Variants in MYO3A observed in about 807,000 individuals in gnomAD.
MYO3A encodes myosin IIIA, also known as myosin-IIIa.
In MYO3A, 180 loss-of-function variants were observed where a neutral mutation model predicts 192.7. The ratio of observed to expected loss-of-function variants is 0.93; its 90% CI spans 0.83 to 1.06. MYO3A has a LOEUF of 1.06. Among genes scored for constraint, MYO3A ranks in the 50% least tolerant of loss-of-function variants. The pLI is 0.00. For missense variants in MYO3A, 1,896 were observed against 1,905.0 expected (o/e 1.00, Z 0.09); for synonymous variants, 628 against 645.3 (o/e 0.97, Z 0.41).
At chr10:26,063,668 G>A (rs137878650) in intron 10 of MYO3A, among the ~76,000 whole-genome samples, 2 of 152,234 alleles carry the variant, frequency 1.3e-5, no homozygotes, top group Non-Finnish European at 2.9e-5. Context: ...GTGTAGAATT[G>A]TGCTGAGGAG....
At chr10:25,940,674 C>T (rs1836431522) in intron 2 of MYO3A, among the ~76,000 whole-genome samples, 1 of 152,094 alleles carries the variant, frequency 6.6e-6, no homozygotes, top group Non-Finnish European at 1.5e-5. Flanking sequence ...TTTTGCCTTT[C>T]ATCTTGAAAG....
chr10:26,014,343 T>C (rs1841856125), intron 6 of MYO3A, among the ~76,000 whole-genome samples: 1 of 152,116 alleles, frequency 6.6e-6, no homozygotes, highest in African/African-American at 2.4e-5. Flanking sequence ...CTTAGGCCTT[T>C]TAAAAATGTC....
Position 26,096,603 on chromosome 10 carries a change from A to C in MYO3A, c.1697A>C (p.Asp566Ala). The change falls in exon 17 of 35, where the codon GAC (aspartate) becomes GCC (alanine). Residue 566 changes from aspartate (D) to alanine (A), a missense_variant. Asp to Ala is a moderately radical substitution (Grantham distance 126). Transcript: ENST00000642920. ...LQNDHLRTVQ[D>A]IMNNSFYKSQ... The stretch of plus-strand genomic sequence containing the variant: ...AATGACCACCTCAGAACAGTACAAG[A>C]CATCATGAATAATAGTTTCTATAAA... The C allele has an allele frequency of 6.2e-7, 1 of 1,606,214 alleles. No homozygotes were observed. The highest frequency in any genetic ancestry group is 2.2e-5 in the East Asian group (1 of 44,754).
chr10:26,148,681 G>A (rs757683659), intron 23 of MYO3A, among the ~76,000 whole-genome samples: 1 of 152,140 alleles, frequency 6.6e-6, no homozygotes, highest in Non-Finnish European at 1.5e-5. Flanking sequence ...GCAACATTTT[G>A]TAGTTTTCAC....
chr10:26,192,109 A>G (rs1300582379), intron 31 of MYO3A, among the ~76,000 whole-genome samples: 1 of 152,172 alleles, frequency 6.6e-6, no homozygotes, highest in African/African-American at 2.4e-5. Flanking sequence ...GAAATATGTA[A>G]TGAGGTCTAT....
rs1554846908 is a variant in MYO3A at position 26,205,479 on chromosome 10, T to TTG, written c.4730+2372_4730+2373insTG. 1.1e-3 allele frequency among the ~76,000 whole-genome samples: 152 copies of TTG among 133,342 alleles called. 1 individual carries two copies. The highest frequency in any genetic ancestry group is 4.4e-3 in the African/African-American group (138 of 31,314). 87.5% of individuals were successfully genotyped at this position (133,342 alleles called of 152,430 possible). A position where few individuals can be genotyped will look rare whatever the true frequency, so the allele number is the denominator to read the frequency against. ...TGTGCTTGTCTTTTTTTTTTTTTTT[T>TTG]GGGGGGGGGCTTCCATGTATAAGTG... is the stretch of plus-strand genomic sequence containing the variant. On this transcript the variant is annotated intron_variant, in intron 34 of 34. Transcript: ENST00000642920.
At chr10:26,019,425 A>G (rs1260261965) in intron 7 of MYO3A, among the ~76,000 whole-genome samples, 1 of 151,774 alleles carries the variant, frequency 6.6e-6, no homozygotes, top group Non-Finnish European at 1.5e-5. Context: ...CGCCTGGCTA[A>G]TTTTTTATAT....
chr10:25,973,514 A>G (rs1018264174), intron 4 of MYO3A, among the ~76,000 whole-genome samples: 3 of 152,204 alleles, frequency 2.0e-5, no homozygotes, highest in Non-Finnish European at 2.9e-5. Flanking sequence ...TTCCAATACT[A>G]TGTTGAAAAG....
chr10:26,201,958 A>G (rs1843696507), intron 33 of MYO3A, among the ~76,000 whole-genome samples: 1 of 152,062 alleles, frequency 6.6e-6, no homozygotes. Context: ...CCTTTCCCCA[A>G]ACTCCTTTTT....
Position 25,973,254 on chromosome 10 carries a change from G to A in MYO3A, c.303+18246G>A, listed in dbSNP as rs567081691. On this transcript the variant is annotated intron_variant, in intron 4 of 34. Coordinates refer to ENST00000642920, the MANE Select transcript of MYO3A (RefSeq NM_017433.5). ...TTCTCTTTGTAGCAATCGTGAATGG[G>A]AATTCATTCATGATTTGCCACTCTG... Among the ~76,000 whole-genome samples, 8 of 152,152 alleles carry A rather than the reference G, an allele frequency of 5.3e-5. No homozygotes were observed. The East Asian group carries it at 1.2e-3, about 22-fold the overall frequency.
At chr10:26,186,708 C>T (rs1261851932) in intron 31 of MYO3A, among the ~76,000 whole-genome samples, 2 of 152,158 alleles carry the variant, frequency 1.3e-5, no homozygotes, top group African/African-American at 4.8e-5. Context: ...GAATTTTCTA[C>T]TGGAATCTTG....
chr10:26,170,629 C>A, intron 29 of MYO3A, 90 bp downstream of exon 29: 1 of 1,408,698 alleles, frequency 7.1e-7, no homozygotes, highest in Non-Finnish European at 9.8e-7. Flanking sequence ...CTTTCTTGTA[C>A]TAGTCAGGTT....
intron 4 of MYO3A, among the ~76,000 whole-genome samples, chr10:25,967,619 C>G (rs936419953): frequency 1.3e-5 from 2 of 152,084 alleles, no homozygotes. Context: ...GAAGAAAAAT[C>G]AGTCAATAGA....
chr10:26,089,425 C>T (rs1417869659), intron 15 of MYO3A, among the ~76,000 whole-genome samples: 2 of 151,972 alleles, frequency 1.3e-5, no homozygotes, highest in Admixed American at 6.6e-5. Flanking sequence ...CATGGTGAAA[C>T]CCCATCTCTA....
chr10:26,109,856 G>T (rs1006227071), intron 17 of MYO3A, among the ~76,000 whole-genome samples: 1 of 152,146 alleles, frequency 6.6e-6, no homozygotes, highest in Non-Finnish European at 1.5e-5. Flanking sequence ...TAGGGAAACT[G>T]GTGAAAGAGT....
intron 20 of MYO3A, among the ~76,000 whole-genome samples, chr10:26,140,104 T>G (rs1314229661): frequency 1.3e-5 from 2 of 152,206 alleles, no homozygotes; most frequent in Non-Finnish European, 2.9e-5. Context: ...AGGTGAGACC[T>G]GAATGATGAA....
chr10:26,024,643 T>C (rs1162268899), intron 9 of MYO3A, among the ~76,000 whole-genome samples: 4 of 152,202 alleles, frequency 2.6e-5, no homozygotes, highest in Non-Finnish European at 5.9e-5. Flanking sequence ...CTTCAGGACC[T>C]GTTATAAGGC....
chr10:26,057,246 G>A (rs577954437), intron 10 of MYO3A, among the ~76,000 whole-genome samples: 1 of 152,298 alleles, frequency 6.6e-6, no homozygotes, highest in East Asian at 1.9e-4. Flanking sequence ...GCAGCAAATT[G>A]AGGAAAGGAC....
chr10:26,042,578 T>C (rs748754656), intron 10 of MYO3A, among the ~76,000 whole-genome samples: 1 of 152,324 alleles, frequency 6.6e-6, no homozygotes, highest in Admixed American at 6.5e-5. Context: ...TTCTGCTTAG[T>C]CAAATCTACT....
Sources: gnomAD v4.1 joint callset for allele counts (sites outside exome capture counted in the v4.1 genomes callset) on GRCh38, gnomAD v4.1.1 for gene constraint, MANE v1.5 for transcripts, NCBI Gene and HGNC (gene_info 2026-07-23, HGNC 2026-07-21) for gene names.